The following NUDT3 variants were observed in gnomAD, a reference collection of about 807,000 sequenced individuals.
NUDT3 encodes nudix hydrolase 3, also known as diphosphoinositol polyphosphate phosphohydrolase 1.
In NUDT3, 9 loss-of-function variants were observed where a neutral mutation model predicts 23.6. That is an observed-to-expected ratio of 0.38 (90% confidence interval 0.23 to 0.66). NUDT3 has a LOEUF of 0.66. NUDT3 is among the 30% of genes least tolerant of loss of function. The pLI is 0.52. For synonymous variants in NUDT3, 86 were observed against 82.6 expected (o/e 1.04, Z -0.22); for missense variants, 172 against 218.5 (o/e 0.79, Z 1.34).
intron 2 of NUDT3, among the ~76,000 whole-genome samples, chr6:34,307,046 C>T (rs1392976814): frequency 1.3e-5 from 2 of 152,234 alleles, no homozygotes; most frequent in East Asian, 1.9e-4. Flanking sequence ...CAAGATACTC[C>T]TGTGCAGTAT....
intron 1 of NUDT3, among the ~76,000 whole-genome samples, chr6:34,362,969 A>G (rs1438767983): frequency 6.6e-6 from 1 of 152,126 alleles, no homozygotes; most frequent in Non-Finnish European, 1.5e-5. Context: ...CCATGAGCTA[A>G]CCCTCATGAG....
Position 34,392,447 on chromosome 6 carries a change from C to A in NUDT3, c.-85G>T. ...CTCTGGACGGCCGCGTGCGCGCGCG[C>A]CCCCGGCTCGGCCAAGGGAAGCAGG... On this transcript the variant is annotated 5_prime_UTR_variant, in exon 1 of 5. Coordinates refer to ENST00000607016, the MANE Select transcript of NUDT3 (RefSeq NM_006703.4). 1 of 1,010,482 alleles carries A rather than the reference C, an allele frequency of 9.9e-7. No individual in the cohort carries two copies. The highest frequency in any genetic ancestry group is 1.5e-6 in the Non-Finnish European group (1 of 687,098). The allele number at this position is 1,010,482 out of a possible 1,614,324, so 62.6% of individuals were successfully genotyped here. A position where few individuals can be genotyped will look rare whatever the true frequency, so the allele number is the denominator to read the frequency against.
At chr6:34,380,866 A>G (rs1765005051) in intron 1 of NUDT3, among the ~76,000 whole-genome samples, 1 of 152,126 alleles carries the variant, frequency 6.6e-6, no homozygotes. Context: ...TTCACCTAGG[A>G]TATTCTTCAA....
At position 34,373,896 on chromosome 6, in the gene NUDT3, G is replaced by A. The variant is rs560157539; in HGVS notation, c.99+18368C>T. ...CGGCTGGGCGCAGTGGCTCATGCCTGTAATCCCAGCACTTTGGGAGGCCAA... is the reference window on the plus strand; with the variant it reads ...CGGCTGGGCGCAGTGGCTCATGCCTATAATCCCAGCACTTTGGGAGGCCAA... On this transcript the variant is annotated intron_variant, in intron 1 of 4. Transcript: ENST00000607016. 1.2e-4 allele frequency among the ~76,000 whole-genome samples: 19 copies of A among 152,232 alleles called. No homozygotes were observed. The East Asian group carries it at 3.7e-3, about 29-fold the overall frequency.
At chr6:34,390,837 A>T (rs1292000961) in intron 1 of NUDT3, among the ~76,000 whole-genome samples, 1 of 152,212 alleles carries the variant, frequency 6.6e-6, no homozygotes, top group African/African-American at 2.4e-5. Flanking sequence ...ATGATATGAT[A>T]ATGAGGAGAA....
At chr6:34,390,046 G>A (rs939208291) in intron 1 of NUDT3, among the ~76,000 whole-genome samples, 2 of 152,020 alleles carry the variant, frequency 1.3e-5, no homozygotes, top group African/African-American at 2.4e-5. Flanking sequence ...CTGAGGCAGG[G>A]AGAACAGCTT....
intron 1 of NUDT3, among the ~76,000 whole-genome samples, chr6:34,363,331 G>A (rs1256776666): frequency 6.6e-6 from 1 of 152,128 alleles, no homozygotes; most frequent in Non-Finnish European, 1.5e-5. Flanking sequence ...ACAAGTACTG[G>A]CATTTAGTCA....
rs758275277 is a variant in NUDT3, at chr6:34,282,551, G to A, written c.*6202C>T. 1.3e-5 allele frequency: 2 copies of A among 152,138 alleles called. No homozygotes were observed. The highest frequency in any genetic ancestry group is 2.9e-5 in the Non-Finnish European group (2 of 68,024). 9.4% of individuals were successfully genotyped at this position (152,138 alleles called of 1,614,324 possible). On this transcript the variant is annotated 3_prime_UTR_variant, in exon 5 of 5. Transcript: ENST00000607016. ...AGCTATTTTACTGCACTGTTGAGAT[G>A]TTCTCTGCAAGGTAGTCACAGATAA... is the stretch of plus-strand genomic sequence containing the variant.
chr6:34,325,789 G>GTC (rs1049991901), intron 2 of NUDT3, among the ~76,000 whole-genome samples: 6 of 152,136 alleles, frequency 3.9e-5, no homozygotes, highest in Admixed American at 3.3e-4. Flanking sequence ...AAAAATATCT[G>GTC]TCTTCTTATC....
rs1209594381 is a variant in NUDT3 at position 34,288,438 on chromosome 6, A to G, written c.*315T>C. On this transcript the variant is annotated 3_prime_UTR_variant, in exon 5 of 5. Transcript: ENST00000607016. ...GGGCCAGGATAAGACAAACAGGAAC[A>G]CTTCAGAATCCAAGGCAGGGGAAGG... is the stretch of plus-strand genomic sequence containing the variant. The G allele has an allele frequency of 4.0e-6, 1 of 247,390 alleles. No individual in the cohort carries two copies. Among genetic ancestry groups the G allele is most frequent in the Non-Finnish European group, 7.7e-6 (1 of 130,534 alleles). The allele number at this position is 247,390 out of a possible 1,614,324, so 15.3% of individuals were successfully genotyped here.
chr6:34,297,758 TAA>T lies in NUDT3; in HGVS notation c.211-2075_211-2074del, dbSNP rs1491503525. Among the ~76,000 whole-genome samples the T allele has an allele frequency of 4.8e-3, 413 of 86,914 alleles. 12 individuals are homozygous for T. The highest frequency in any genetic ancestry group is 9.3e-3 in the South Asian group (24 of 2,576). The allele number at this position is 86,914 out of a possible 152,430, so 57.0% of individuals were successfully genotyped here. On this transcript the variant is annotated intron_variant, in intron 2 of 4. Coordinates refer to ENST00000607016, the MANE Select transcript of NUDT3 (RefSeq NM_006703.4). ...ATATATATATATATATATATATATATAATTTTTTTTTTTTTTTTAGTAGAGAC... is the reference window on the plus strand; with the variant it reads ...ATATATATATATATATATATATATATTTTTTTTTTTTTTTTTAGTAGAGAC...
At chr6:34,306,431 G>A (rs566097576) in intron 2 of NUDT3, among the ~76,000 whole-genome samples, 3 of 152,330 alleles carry the variant, frequency 2.0e-5, no homozygotes, top group Non-Finnish European at 4.4e-5. Context: ...AATCTCCAGA[G>A]GCAAGGGTTG....
intron 2 of NUDT3, among the ~76,000 whole-genome samples, chr6:34,303,494 T>TAA: frequency 6.6e-6 from 1 of 152,274 alleles, no homozygotes; most frequent in Non-Finnish European, 1.5e-5. Flanking sequence ...AGTTCAATAT[T>TAA]AAATGTTAGC....
intron 1 of NUDT3, among the ~76,000 whole-genome samples, chr6:34,349,640 A>C (rs1423946917): frequency 6.6e-6 from 1 of 150,526 alleles, no homozygotes; most frequent in Non-Finnish European, 1.5e-5. Flanking sequence ...GGCATTTGCA[A>C]AGCTCTGGCC....
intron 2 of NUDT3, among the ~76,000 whole-genome samples, chr6:34,320,999 T>G (rs191114338): frequency 1.1e-3 from 167 of 152,114 alleles, no homozygotes; most frequent in Admixed American, 7.4e-3. Flanking sequence ...CGTCTCTAGG[T>G]GGCAAAAGGA....
Position 34,353,405 on chromosome 6 carries a change from A to G in NUDT3, c.100-11433T>C, listed in dbSNP as rs117254607. Among the ~76,000 whole-genome samples the G allele has an allele frequency of 1.8e-3, 279 of 151,992 alleles. 6 individuals carry two copies. The East Asian group carries it at 0.043, about 23-fold the overall frequency. On this transcript the variant is annotated intron_variant, in intron 1 of 4. Coordinates refer to ENST00000607016, the MANE Select transcript of NUDT3 (RefSeq NM_006703.4). ...CTTCAATAACTATCAATGTTTGCCA[A>G]TCTTGTTTTACTTACCTATACACAA...
In NUDT3 at chr6:34,289,049, AAAAAT is replaced by A. The variant is rs1037115589; in HGVS notation, c.341-123_341-119del. 2.3e-6 allele frequency: 3 copies of A among 1,282,368 alleles called. No individual in the cohort carries two copies. In the African/African-American group the frequency reaches 4.6e-5, roughly 20 times the overall value. 79.4% of individuals were successfully genotyped at this position (1,282,368 alleles called of 1,614,324 possible). ...GTTTCTTAACACTTTTTTTCCTTAC[AAAAAT>A]AACTCAAGCACACTTCATATGCTTC... is the stretch of plus-strand genomic sequence containing the variant. On this transcript the variant is annotated intron_variant, in intron 4 of 4. Transcript: ENST00000607016.
intron 1 of NUDT3, among the ~76,000 whole-genome samples, chr6:34,348,079 A>G (rs1773656972): frequency 1.3e-5 from 2 of 151,946 alleles, no homozygotes; most frequent in Admixed American, 6.6e-5. Context: ...CGGGCAGATC[A>G]CTTGAGCTCA....
At chr6:34,300,089 A>G (rs1485919133) in intron 2 of NUDT3, among the ~76,000 whole-genome samples, 6 of 151,636 alleles carry the variant, frequency 4.0e-5, no homozygotes, top group African/African-American at 1.5e-4. Context: ...CTCTTTTCCT[A>G]TGAGGTGTTC....
Sources: gnomAD v4.1 joint callset for allele counts (sites outside exome capture counted in the v4.1 genomes callset) on GRCh38, gnomAD v4.1.1 for gene constraint, MANE v1.5 for transcripts, NCBI Gene and HGNC (gene_info 2026-07-23, HGNC 2026-07-21) for gene names.